The following SEMA3C variants were observed in gnomAD, a reference collection of about 807,000 sequenced individuals.
SEMA3C encodes the protein semaphorin-3C.
Under a neutral mutation model 89.4 loss-of-function variants are expected in SEMA3C, and 47 were observed. The observed-to-expected ratio is 0.53, with a 90% confidence interval of 0.42 to 0.67. The LOEUF (loss-of-function observed/expected upper bound fraction) is 0.67. SEMA3C is among the 30% of genes least tolerant of loss of function. The pLI is 0.00. For missense variants in SEMA3C, 839 were observed against 929.1 expected (o/e 0.90, Z 1.26); for synonymous variants, 310 against 320.2 (o/e 0.97, Z 0.34).
At chr7:80,837,838 C>T (rs1447787423) in intron 2 of SEMA3C, among the ~76,000 whole-genome samples, 2 of 152,094 alleles carry the variant, frequency 1.3e-5, no homozygotes, top group African/African-American at 2.4e-5. Context: ...CTCTTGAAGG[C>T]TGCCTGGAAG....
chr7:80,895,865 T>G (rs1583988187), intron 2 of SEMA3C, among the ~76,000 whole-genome samples: 1 of 152,294 alleles, frequency 6.6e-6, no homozygotes, highest in East Asian at 1.9e-4. Context: ...ATTAATTACC[T>G]TTATTTCATC....
chr7:80,863,230 T>TAAAAAAAA (rs57655836), intron 2 of SEMA3C, among the ~76,000 whole-genome samples: 1 of 125,676 alleles, frequency 8.0e-6, no homozygotes. Flanking sequence ...GACTCCATCT[T>TAAAAAAAA]AAAAAAAAAA....
In SEMA3C at chr7:80,811,973, C is replaced by T. The variant is rs975510466; in HGVS notation, c.448-1272G>A. On this transcript the variant is annotated intron_variant, in intron 5 of 17. Coordinates refer to ENST00000265361, the MANE Select transcript of SEMA3C (RefSeq NM_006379.5). ...GTCCTTTTCACATTGCCTCCACATC[C>T]TGAAAGGATACATCTATTACATTCT... 3.3e-5 allele frequency among the ~76,000 whole-genome samples: 5 copies of T among 152,128 alleles called. No individual in the cohort carries two copies. The South Asian group carries it at 8.3e-4, about 25-fold the overall frequency.
chr7:80,892,278 A>G (rs1179324564), intron 2 of SEMA3C, among the ~76,000 whole-genome samples: 7 of 152,166 alleles, frequency 4.6e-5, no homozygotes, highest in Non-Finnish European at 1.0e-4. Context: ...TTAAATGCAC[A>G]TTAATATTTT....
At chr7:80,769,864 C>CAAAAAAA (rs1293174938) in intron 12 of SEMA3C, among the ~76,000 whole-genome samples, 11 of 46,674 alleles carry the variant, frequency 2.4e-4, no homozygotes, top group East Asian at 2.2e-3. Context: ...GTCCCCCCCC[C>CAAAAAAA]AAAAAAAAAA....
chr7:80,848,356 C>T (rs1037052726), intron 2 of SEMA3C, among the ~76,000 whole-genome samples: 2 of 152,066 alleles, frequency 1.3e-5, no homozygotes, highest in African/African-American at 4.8e-5. Flanking sequence ...AGTCCTCTAC[C>T]TACAAAAATA....
upstream of SEMA3C, among the ~76,000 whole-genome samples, chr7:80,920,713 C>A (rs1300747198): frequency 1.3e-5 from 2 of 152,104 alleles, no homozygotes; most frequent in South Asian, 2.1e-4. Flanking sequence ...TGTGATGATG[C>A]GTGAGAAGAT....
At chr7:80,919,470 T>G, upstream of SEMA3C, 1 of 790,226 alleles carries the variant, frequency 1.3e-6, no homozygotes, top group Non-Finnish European at 1.5e-6. Context: ...TTGTGGTTTT[T>G]TATTTTTGCC....
At chr7:80,839,417 C>A (rs1003365954) in intron 2 of SEMA3C, among the ~76,000 whole-genome samples, 1 of 151,998 alleles carries the variant, frequency 6.6e-6, no homozygotes, top group Admixed American at 6.6e-5. Context: ...AAAGCAGATA[C>A]CTGACAACAG....
At chr7:80,750,465 TATATATATACACAC>T (rs1332295062) in intron 16 of SEMA3C, among the ~76,000 whole-genome samples, 15 of 63,894 alleles carry the variant, frequency 2.3e-4, no homozygotes, top group African/African-American at 6.4e-4. Context: ...TATATATATA[TATATATATACACAC>T]ACACACACAC....
intron 12 of SEMA3C, among the ~76,000 whole-genome samples, chr7:80,767,850 A>G (rs1352260463): frequency 6.6e-6 from 1 of 152,234 alleles, no homozygotes. Flanking sequence ...AGTTACTCTG[A>G]CATAAAAGAT....
At chr7:80,855,136 A>G (rs747407666) in intron 2 of SEMA3C, among the ~76,000 whole-genome samples, 28 of 152,196 alleles carry the variant, frequency 1.8e-4, no homozygotes, top group Non-Finnish European at 3.1e-4. Context: ...AGCTATGTAA[A>G]TGAAAAGACT....
chr7:80,806,087 G>A (rs532606109), intron 6 of SEMA3C, among the ~76,000 whole-genome samples: 35 of 151,882 alleles, frequency 2.3e-4, no homozygotes, highest in Admixed American at 1.7e-3. Context: ...AATGGCAGAC[G>A]TATAATAGAT....
intron 5 of SEMA3C, among the ~76,000 whole-genome samples, chr7:80,815,554 CA>C (rs761990267): frequency 0.014 from 803 of 58,864 alleles, 9 homozygotes; most frequent in Middle Eastern, 0.023. Flanking sequence ...TTTAAATGGG[CA>C]AAAAAAAAAA....
chr7:80,756,141 G>A (rs955691785), intron 15 of SEMA3C, among the ~76,000 whole-genome samples: 1 of 152,140 alleles, frequency 6.6e-6, no homozygotes, highest in African/African-American at 2.4e-5. Flanking sequence ...TACCATTCAT[G>A]TAACATCCTC....
intron 14 of SEMA3C, 49 bp downstream of exon 14, chr7:80,761,567 C>T (rs749188360): frequency 9.9e-7 from 1 of 1,014,968 alleles, no homozygotes; most frequent in Non-Finnish European, 1.5e-6. Context: ...TTTTTCATAA[C>T]AACAAAACAT....
At chr7:80,922,062 A>G (rs1792418936), upstream of SEMA3C, among the ~76,000 whole-genome samples, 1 of 152,228 alleles carries the variant, frequency 6.6e-6, no homozygotes, top group Non-Finnish European at 1.5e-5. Flanking sequence ...GATATTTGTA[A>G]TAGAAAATAG....
chr7:80,774,859 G>T (rs1788510383), intron 12 of SEMA3C, among the ~76,000 whole-genome samples: 1 of 151,862 alleles, frequency 6.6e-6, no homozygotes. Context: ...ACAGATATAA[G>T]GATTCATTAA....
Position 80,918,998 on chromosome 7 carries a change from G to A in SEMA3C, c.-209C>T, listed in dbSNP as rs1792345176. The A allele has an allele frequency of 5.1e-6, 5 of 985,264 alleles. No individual in the cohort carries two copies. In the South Asian group the frequency reaches 1.4e-4, roughly 28 times the overall value. The allele number at this position is 985,264 out of a possible 1,614,324, so 61.0% of individuals were successfully genotyped here. On this transcript the variant is annotated 5_prime_UTR_variant, in exon 1 of 18. Coordinates refer to ENST00000265361, the MANE Select transcript of SEMA3C (RefSeq NM_006379.5). ...TTTGTAAAGGAATCTCAGCGCTGCA[G>A]TGCCGCGGCACCCGGAGCTCTTCTC...
Sources: gnomAD v4.1 joint callset for allele counts (sites outside exome capture counted in the v4.1 genomes callset) on GRCh38, gnomAD v4.1.1 for gene constraint, MANE v1.5 for transcripts, NCBI Gene and HGNC (gene_info 2026-07-23, HGNC 2026-07-21) for gene names.